The following GLG1 variants were observed in gnomAD, a reference collection of about 807,000 sequenced individuals.
GLG1 encodes golgi glycoprotein 1, also known as Golgi apparatus protein 1.
In GLG1, 38 loss-of-function variants were observed where a neutral mutation model predicts 160.5. The ratio of observed to expected loss-of-function variants is 0.24; its 90% confidence interval spans 0.18 to 0.31. GLG1 has a LOEUF of 0.31. Among genes scored for constraint, GLG1 ranks in the 10% least tolerant of loss-of-function variants. GLG1 has a pLI of 1.00. For missense variants in GLG1, 1,373 were observed against 1,505.2 expected (o/e 0.91, Z 1.45); for synonymous variants, 644 against 543.4 (o/e 1.19, Z -2.57).
chr16:74,451,944 A>G lies in GLG1; in HGVS notation c.*1223T>C. Reference sequence around the variant, plus strand: ...GTACACGCAGCAAATGGACAGAAAGAAAAAAAACAGAGCAAATCCTCCATC... The same window carrying G: ...GTACACGCAGCAAATGGACAGAAAGGAAAAAAACAGAGCAAATCCTCCATC... On this transcript the variant is annotated 3_prime_UTR_variant, in exon 26 of 26. Transcript: ENST00000422840. 1 of 829,116 alleles carries G rather than the reference A, an allele frequency of 1.2e-6. No homozygotes were observed. The highest frequency in any genetic ancestry group is 2.5e-5 in the East Asian group (1 of 40,348). 51.4% of individuals were successfully genotyped at this position (829,116 alleles called of 1,614,324 possible). A position where few individuals can be genotyped will look rare whatever the true frequency, so the allele number is the denominator to read the frequency against.
chr16:74,525,865 A>T (rs1402308489), intron 2 of GLG1, among the ~76,000 whole-genome samples: 2 of 151,856 alleles, frequency 1.3e-5, no homozygotes, highest in Non-Finnish European at 2.9e-5. Context: ...GATGAAGTTC[A>T]AGTTATCTGG....
At chr16:74,548,821 C>A (rs1231647213) in intron 1 of GLG1, among the ~76,000 whole-genome samples, 1 of 152,038 alleles carries the variant, frequency 6.6e-6, no homozygotes, top group Admixed American at 6.5e-5. Flanking sequence ...TATGGTGAAA[C>A]CTCGTCTCTA....
At chr16:74,511,130 G>A (rs1262285588) in intron 2 of GLG1, among the ~76,000 whole-genome samples, 2 of 152,074 alleles carry the variant, frequency 1.3e-5, no homozygotes, top group African/African-American at 4.8e-5. Flanking sequence ...CAAGAATAAC[G>A]GGGAATCGCA....
At chr16:74,606,488 T>C (rs4438331) in intron 1 of GLG1, among the ~76,000 whole-genome samples, 169 bp downstream of exon 1, 1 of 152,050 alleles carries the variant, frequency 6.6e-6, no homozygotes, top group Non-Finnish European at 1.5e-5. Flanking sequence ...GTGGGAGTGG[T>C]ATCCTTTTCC....
intron 23 of GLG1, 35 bp downstream of exon 23, chr16:74,459,647 A>G (rs773728102): frequency 1.1e-4 from 118 of 1,060,332 alleles, no homozygotes; most frequent in Non-Finnish European, 1.6e-4. Flanking sequence ...AAAAAAAAAG[A>G]AATGAAGTGA....
chr16:74,529,216 G>C (rs1468593508), intron 2 of GLG1, among the ~76,000 whole-genome samples: 1 of 152,042 alleles, frequency 6.6e-6, no homozygotes, highest in African/African-American at 2.4e-5. Context: ...TAATCCACCT[G>C]TCTTGACCTC....
chr16:74,495,625 G>C (rs946446311), intron 5 of GLG1, among the ~76,000 whole-genome samples: 5 of 152,132 alleles, frequency 3.3e-5, no homozygotes, highest in African/African-American at 1.2e-4. Context: ...TCAAGGATTT[G>C]GTTTTAAAGA....
chr16:74,604,478 G>A (rs1380460010), intron 1 of GLG1, among the ~76,000 whole-genome samples: 1 of 152,224 alleles, frequency 6.6e-6, no homozygotes, highest in African/African-American at 2.4e-5. Flanking sequence ...AGGAACAACT[G>A]TACTCATATG....
chr16:74,474,522 A>T, intron 13 of GLG1, 24 bp downstream of exon 13: 1 of 1,118,844 alleles, frequency 8.9e-7, no homozygotes, highest in Non-Finnish European at 1.4e-6. Context: ...CTCTCCTCCA[A>T]TGAGTAAGCT....
rs545433825 is a variant in GLG1 at position 74,607,071 on chromosome 16, C to A, written c.24G>T (p.Arg8=). ...GCGCCGCCGACAAGCGGAACATCCT[C>A]CGTACACGTCCACACGCCGCCATCT... MAACGRV[R]RMFRLSAALH... The change falls in exon 1 of 26, where the codon CGG becomes CGT. Residue 8 remains arginine, a synonymous_variant. Coordinates refer to ENST00000422840, the MANE Select transcript of GLG1 (RefSeq NM_001145667.2). 1.9e-6 allele frequency: 3 copies of A among 1,569,448 alleles called. No individual in the cohort carries two copies. The highest frequency in any genetic ancestry group is 2.3e-5 in the East Asian group (1 of 42,924).
At chr16:74,472,623 T>C (rs917072156) in intron 13 of GLG1, 3 of 1,409,690 alleles carry the variant, frequency 2.1e-6, no homozygotes, top group Non-Finnish European at 2.9e-6. Context: ...TAAAGACATA[T>C]TCCCTTTCGG....
intron 4 of GLG1, among the ~76,000 whole-genome samples, chr16:74,497,312 ACAC>A (rs767516375): frequency 3.0e-4 from 45 of 147,906 alleles, no homozygotes; most frequent in South Asian, 1.3e-3. Context: ...ACACACACAC[ACAC>A]AAAAAACCAC....
At chr16:74,472,530 G>A in intron 13 of GLG1, 119 bp from the exon 14 acceptor site, 1 of 1,430,812 alleles carries the variant, frequency 7.0e-7, no homozygotes, top group Non-Finnish European at 9.5e-7. Flanking sequence ...ACATACTTTT[G>A]GAAACGATTC....
rs561455041 is a variant in GLG1, at chr16:74,518,364, G to T, written c.472-9439C>A. Reference sequence around the variant, plus strand: ...TACCAAAACAGATATACAGGCCAATGGAACAGAATGGAGTCCTCAAAAATA... The same window carrying T: ...TACCAAAACAGATATACAGGCCAATTGAACAGAATGGAGTCCTCAAAAATA... On this transcript the variant is annotated intron_variant, in intron 2 of 25. Coordinates refer to ENST00000422840, the MANE Select transcript of GLG1 (RefSeq NM_001145667.2). 2.6e-5 allele frequency among the ~76,000 whole-genome samples: 4 copies of T among 152,242 alleles called. No homozygotes were observed. In the South Asian group the frequency reaches 8.3e-4, roughly 32 times the overall value.
intron 1 of GLG1, among the ~76,000 whole-genome samples, chr16:74,561,415 A>G (rs1206914258): frequency 6.6e-6 from 1 of 152,208 alleles, no homozygotes; most frequent in Non-Finnish European, 1.5e-5. Context: ...ACGTTCATGG[A>G]AAGTAATGGA....
At chr16:74,500,413 T>C (rs1471298541) in intron 4 of GLG1, among the ~76,000 whole-genome samples, 2 of 151,620 alleles carry the variant, frequency 1.3e-5, no homozygotes, top group African/African-American at 2.4e-5. Flanking sequence ...AGAAGTTTGA[T>C]AGGCAGTATT....
At chr16:74,526,877 T>C (rs1437294471) in intron 2 of GLG1, among the ~76,000 whole-genome samples, 2 of 152,228 alleles carry the variant, frequency 1.3e-5, no homozygotes, top group Non-Finnish European at 1.5e-5. Flanking sequence ...AATTCAAATT[T>C]GTTCCATGTG....
At chr16:74,576,266 A>G (rs1799687346) in intron 1 of GLG1, among the ~76,000 whole-genome samples, 1 of 152,222 alleles carries the variant, frequency 6.6e-6, no homozygotes, top group Non-Finnish European at 1.5e-5. Flanking sequence ...CTGGTTAATA[A>G]AACTCCACAC....
In GLG1 at chr16:74,606,954, C is replaced by G; in HGVS notation, c.141G>C (p.Val47=). The change falls in exon 1 of 26, where the codon GTG becomes GTC. Residue 47 remains valine (V), a synonymous_variant. Transcript: ENST00000422840. The part of the protein sequence containing the change: ...SQGQGPGANF[V]SFVGQAGGGG... Reference sequence around the variant, plus strand: ...CGCCTCCGGCCTGCCCTACGAAGGACACAAAGTTGGCCCCGGGACCCTGGC... The same window carrying G: ...CGCCTCCGGCCTGCCCTACGAAGGAGACAAAGTTGGCCCCGGGACCCTGGC... The G allele has an allele frequency of 6.2e-7, 1 of 1,609,010 alleles. No individual in the cohort carries two copies. Among genetic ancestry groups the G allele is most frequent in the Non-Finnish European group, 8.5e-7 (1 of 1,179,034 alleles).
Sources: allele counts gnomAD v4.1 joint callset (sites outside exome capture counted in the v4.1 genomes callset), GRCh38; gene constraint gnomAD v4.1.1; transcripts MANE v1.5; gene names NCBI Gene and HGNC (gene_info 2026-07-23, HGNC 2026-07-21).